SERINC2: variants seen among roughly 807,000 people sequenced by gnomAD.
SERINC2 encodes the protein tumor differentially expressed protein 2.
In SERINC2, 56 loss-of-function variants were observed where a neutral mutation model predicts 54.2. The ratio of observed to expected loss-of-function variants is 1.03; its 90% confidence interval spans 0.83 to 1.29. The LOEUF is 1.29. Ranked by LOEUF, SERINC2 falls within the 50% of genes most tolerant of loss-of-function variation. The probability of loss-of-function intolerance (pLI) is 0.00; values close to 1 mark genes in which losing one functional copy is unlikely to be tolerated. For synonymous variants in SERINC2, 272 were observed against 253.1 expected (o/e 1.07, Z -0.71); for missense variants, 614 against 607.4 (o/e 1.01, Z -0.12).
intron 1 of SERINC2, among the ~76,000 whole-genome samples, chr1:31,418,015 C>G (rs1256744500): frequency 6.6e-6 from 1 of 151,970 alleles, no homozygotes; most frequent in African/African-American, 2.4e-5. Flanking sequence ...CACCACCATG[C>G]CCAGCTAATT....
chr1:31,413,864 C>T lies in SERINC2; in HGVS notation c.39+560C>T, dbSNP rs1225253840. ...CGTCGTTCGTCCGACTGTCTTTGTC[C>T]GTCTGCTGTCTTCTGTCCGTCTGCC... On this transcript the variant is annotated intron_variant, in intron 1 of 9. Coordinates refer to ENST00000373709, the MANE Select transcript of SERINC2 (RefSeq NM_178865.5). This position sits in a 1 kb window ranked among gnomAD's most constrained non-coding sequence, Gnocchi z 5.0. The T allele has an allele frequency of 3.5e-6, 5 of 1,432,234 alleles. No homozygotes were observed. The highest frequency in any genetic ancestry group is 4.5e-6 in the Non-Finnish European group (5 of 1,099,286). The allele number at this position is 1,432,234 out of a possible 1,614,324, so 88.7% of individuals were successfully genotyped here.
rs1557497385 is a variant in SERINC2 at position 31,429,212 on chromosome 1, G to C, written c.871+144G>C. On this transcript the variant is annotated intron_variant, in intron 7 of 9. Transcript: ENST00000373709. ...ACTCAGTCCTCCCATGAGATGGGAG[G>C]GCCCCGTCTGTTCCTGAGTTGTCTC... 3.9e-5 allele frequency: 39 copies of C among 990,150 alleles called. No homozygotes were observed. The East Asian group carries it at 9.6e-4, about 24-fold the overall frequency. The allele number at this position is 990,150 out of a possible 1,614,324, so 61.3% of individuals were successfully genotyped here.
chr1:31,416,458 A>G (rs1221792962), intron 1 of SERINC2, among the ~76,000 whole-genome samples: 1 of 152,200 alleles, frequency 6.6e-6, no homozygotes, highest in African/African-American at 2.4e-5. Context: ...CAGAGCCAGC[A>G]TTAGGACCTG....
At position 31,434,560 on chromosome 1, in the gene SERINC2, G is replaced by C. The variant is rs782217423; in HGVS notation, c.*361G>C. ...GAACTCCCACCACAGTGGGGCATCC[G>C]GCACTGAAGCCCTGGTGTTCCTGGT... On this transcript the variant is annotated 3_prime_UTR_variant, in exon 10 of 10. Transcript: ENST00000373709. 1 of 263,102 alleles carries C rather than the reference G, an allele frequency of 3.8e-6. No individual in the cohort carries two copies. The highest frequency in any genetic ancestry group is 7.3e-6 in the Non-Finnish European group (1 of 136,934). 16.3% of individuals were successfully genotyped at this position (263,102 alleles called of 1,614,324 possible).
intron 5 of SERINC2, among the ~76,000 whole-genome samples, chr1:31,426,322 GT>G (rs1248541285): frequency 6.6e-6 from 1 of 152,188 alleles, no homozygotes; most frequent in African/African-American, 2.4e-5. Context: ...GTGCTGTTTG[GT>G]TTCCACACCT....
At chr1:31,415,345 C>T (rs940200918) in intron 1 of SERINC2, among the ~76,000 whole-genome samples, 3 of 152,140 alleles carry the variant, frequency 2.0e-5, no homozygotes, top group African/African-American at 7.2e-5. Flanking sequence ...TTCTGGCCTC[C>T]GACATTTACT....
chr1:31,425,638 G>A, intron 4 of SERINC2, 138 bp from the exon 5 acceptor site: 1 of 1,143,218 alleles, frequency 8.7e-7, no homozygotes, highest in Non-Finnish European at 1.3e-6. Context: ...TGCCCTCTGT[G>A]CGTAGCTAGG....
chr1:31,421,781 A>G (rs1640906997), intron 1 of SERINC2, among the ~76,000 whole-genome samples: 1 of 152,156 alleles, frequency 6.6e-6, no homozygotes, highest in Non-Finnish European at 1.5e-5. Context: ...CCTGTTCCTG[A>G]CTGCTGGTGC....
chr1:31,423,843 C>T lies in SERINC2; in HGVS notation c.190C>T (p.Gln64Ter), dbSNP rs1557492771. 6.2e-7 allele frequency: 1 copy of T among 1,613,916 alleles called. No individual in the cohort carries two copies. The highest frequency in any genetic ancestry group is 8.5e-7 in the Non-Finnish European group (1 of 1,179,974). ...TATGCTGAGCCCGGGCGTGGAGAGT[C>T]AGCTCTACAAGGTGAGTGCCCCAGG... ...IIMLSPGVESQLYKLPWVCEE... is the reference protein window; with the variant it reads ...IIMLSPGVES The change falls in exon 2 of 10, where the codon CAG (glutamine) becomes TAG (stop). Residue 64 changes from glutamine to a stop codon, truncating the protein, a stop_gained. Transcript: ENST00000373709. LOFTEE classifies it high-confidence loss of function.
In SERINC2 at chr1:31,425,762, C is replaced by G; in HGVS notation, c.473-14C>G. On this transcript the variant is annotated splice_polypyrimidine_tract_variant and intron_variant, in intron 4 of 9. Coordinates refer to ENST00000373709, the MANE Select transcript of SERINC2 (RefSeq NM_178865.5). ...GAGGGACCCTCCTCGCCTCACTCCC[C>G]TCTCCCCACCCAGTCTGGTTCTACT... is the stretch of plus-strand genomic sequence containing the variant. 3 of 1,611,680 alleles carry G rather than the reference C, an allele frequency of 1.9e-6. No individual in the cohort carries two copies. The highest frequency in any genetic ancestry group is 2.5e-6 in the Non-Finnish European group (3 of 1,179,366).
chr1:31,422,307 A>AC lies in SERINC2; in HGVS notation c.40-1386_40-1385insC, dbSNP rs1553132835. ...GGGCAAGACCCTGTCTCAAAAAAAAAAAAACAAAAAAAGAAGAAAAGAAGA... is the reference window on the plus strand; with the variant it reads ...GGGCAAGACCCTGTCTCAAAAAAAAACAAAACAAAAAAAGAAGAAAAGAAGA... On this transcript the variant is annotated intron_variant, in intron 1 of 9. Transcript: ENST00000373709. Among the ~76,000 whole-genome samples the AC allele has an allele frequency of 5.9e-5, 9 of 151,262 alleles. 1 individual carries two copies. The highest frequency in any genetic ancestry group is 1.3e-4 in the Non-Finnish European group (9 of 67,788).
At position 31,423,737 on chromosome 1, in the gene SERINC2, C is replaced by A; in HGVS notation, c.84C>A (p.Cys28Ter). 1 of 1,612,630 alleles carries A rather than the reference C, an allele frequency of 6.2e-7. No homozygotes were observed. The highest frequency in any genetic ancestry group is 1.1e-5 in the South Asian group (1 of 91,086). Residue 28 changes from cysteine (C) to a stop codon, truncating the protein, a stop_gained, in exon 2 of 10, where the codon TGC becomes TGA. Transcript: ENST00000373709. LOFTEE classifies it high-confidence loss of function. ...CGSAPCILCS[C>*]CPASRNSTVS... Reference sequence around the variant, plus strand: ...CTGCCCCCTGCATCCTGTGCAGCTGCTGCCCCGCCAGCCGCAACTCCACCG... The same window carrying A: ...CTGCCCCCTGCATCCTGTGCAGCTGATGCCCCGCCAGCCGCAACTCCACCG...
Position 31,413,735 on chromosome 1 carries a change from TGGC to T in SERINC2, c.39+433_39+435del. 7.4e-7 allele frequency: 1 copy of T among 1,342,500 alleles called. No homozygotes were observed. The allele number at this position is 1,342,500 out of a possible 1,614,324, so 83.2% of individuals were successfully genotyped here. A position where few individuals can be genotyped will look rare whatever the true frequency, so the allele number is the denominator to read the frequency against. On this transcript the variant is annotated intron_variant, in intron 1 of 9. Transcript: ENST00000373709. This position sits in a 1 kb window ranked among gnomAD's most constrained non-coding sequence, Gnocchi z 5.0. ...TAGGTCGCCCGGGCCCCGTCCCTCC[TGGC>T]GAGTGCCCTGCCCTACCCCTCTGGC... is the stretch of plus-strand genomic sequence containing the variant.
chr1:31,432,101 ACAGGG>A (rs1641285572), intron 8 of SERINC2, among the ~76,000 whole-genome samples: 3 of 112,796 alleles, frequency 2.7e-5, no homozygotes, highest in Non-Finnish European at 5.4e-5. Flanking sequence ...GACAGGGTGG[ACAGGG>A]TGGATAGGGT....
At position 31,434,209 on chromosome 1, in the gene SERINC2, AC is replaced by A; in HGVS notation, c.*11del. 1.9e-6 allele frequency: 3 copies of A among 1,610,970 alleles called. No homozygotes were observed. The highest frequency in any genetic ancestry group is 2.5e-6 in the Non-Finnish European group (3 of 1,179,154). ...CCGCGACTTCAGCTGAGGCAGCCTC[AC>A]AGCCTGCCATCTGGTGCCTCCTGCC... On this transcript the variant is annotated 3_prime_UTR_variant, in exon 10 of 10. Coordinates refer to ENST00000373709, the MANE Select transcript of SERINC2 (RefSeq NM_178865.5).
chr1:31,423,764 G>A lies in SERINC2; in HGVS notation c.111G>A (p.Val37=), dbSNP rs138793452. The change falls in exon 2 of 10, where the codon GTG becomes GTA. Residue 37 remains valine, a synonymous_variant. Transcript: ENST00000373709. ...SCCPASRNST[V]SRLIFTFFLF... is the part of the protein sequence containing the mutation. ...GCCCCGCCAGCCGCAACTCCACCGT[G>A]AGCCGCCTCATCTTCACGTTCTTCC... The A allele has an allele frequency of 2.2e-5, 36 of 1,613,658 alleles. No individual in the cohort carries two copies. The highest frequency in any genetic ancestry group is 6.7e-5 in the African/African-American group (5 of 74,934).
chr1:31,425,199 C>G (rs1197794396), intron 3 of SERINC2, 131 bp from the exon 4 acceptor site: 2 of 762,904 alleles, frequency 2.6e-6, no homozygotes, highest in African/African-American at 1.7e-5. Flanking sequence ...ATCAGACCAC[C>G]AGAAAGCCCA....
chr1:31,434,194 A>G lies in SERINC2; in HGVS notation c.1363A>G (p.Ser455Gly), dbSNP rs782319348. 4 of 1,612,602 alleles carry G rather than the reference A, an allele frequency of 2.5e-6. No homozygotes were observed. Among genetic ancestry groups the G allele is most frequent in the Non-Finnish European group, 3.4e-6 (4 of 1,179,702 alleles). The stretch of plus-strand genomic sequence containing the variant: ...ACTCCTCCTGCGCAACCGCGACTTC[A>G]GCTGAGGCAGCCTCACAGCCTGCCA... Reference protein sequence around the residue: ...APLLLRNRDFS With the variant: ...APLLLRNRDFG Residue 455 changes from serine (S) to glycine (G), a missense_variant, in exon 10 of 10, where the codon AGC (serine) becomes GGC (glycine). Transcript: ENST00000373709.
chr1:31,414,568 A>G, intron 1 of SERINC2: 1 of 985,950 alleles, frequency 1.0e-6, no homozygotes, highest in Non-Finnish European at 1.2e-6. Context: ...GAGAGGCAAG[A>G]GAGCCTCTCG....
Sources: gnomAD v4.1 joint callset for allele counts (sites outside exome capture counted in the v4.1 genomes callset) on GRCh38, gnomAD v4.1.1 for gene constraint, Gnocchi (gnomAD v3.1) non-coding constraint, MANE v1.5 for transcripts, NCBI Gene and HGNC (gene_info 2026-07-23, HGNC 2026-07-21) for gene names.